Variants in MET observed in about 807,000 individuals in gnomAD.
MET encodes the protein hepatocyte growth factor receptor.
MET carries 48 observed loss-of-function variants against 133.1 expected under a neutral mutation model. That is an observed-to-expected ratio of 0.36 (90% CI 0.29 to 0.46). The LOEUF (loss-of-function observed/expected upper bound fraction) is 0.46, where lower values mean the gene tolerates loss of function less well. Among genes scored for constraint, MET ranks in the 20% least tolerant of loss-of-function variants. The pLI, the probability that MET is intolerant of heterozygous loss-of-function variation, is 1.00. For missense variants in MET, 1,442 were observed against 1,695.9 expected, an observed-to-expected ratio of 0.85 and a Z score of 2.63; for synonymous variants, 628 against 616.5, an observed-to-expected ratio of 1.02 and a Z score of -0.28.
rs745437003 is a variant in MET, at chr7:116,778,832, G to T, written c.3397G>T (p.Asp1133Tyr). Residue 1133 changes from aspartate to tyrosine, a missense_variant, in exon 17 of 21, where the codon GAT (aspartate) becomes TAT (tyrosine). Asp to Tyr is a radical substitution (Grantham distance 160). Coordinates refer to ENST00000397752, the MANE Select transcript of MET (RefSeq NM_000245.4). The stretch of plus-strand genomic sequence containing the variant: ...TCTGACCGAGGGAATCATCATGAAA[G>T]ATTTTAGTCATCCCAATGTCCTCTC... The part of the protein sequence containing the change: ...QFLTEGIIMK[D>Y]FSHPNVLSLL... 2 of 1,614,072 alleles carry T rather than the reference G, an allele frequency of 1.2e-6. No homozygotes were observed. Among genetic ancestry groups the T allele is most frequent in the Non-Finnish European group, 1.7e-6 (2 of 1,179,976 alleles).
In MET at chr7:116,755,431, A is replaced by G. The variant is rs1794141772; in HGVS notation, c.1778A>G (p.Asn593Ser). Residue 593 changes from asparagine to serine, a missense_variant, in exon 6 of 21, where the codon AAT becomes AGT. Asn to Ser is a conservative substitution (Grantham distance 46). Transcript: ENST00000397752. ...ICGWDFGFRR[N>S]NKFDLKKTRV... ...GGCTGGGACTTTGGATTTCGGAGGA[A>G]TAATAAATTTGATTTAAAGAAAACT... 1.9e-6 allele frequency: 3 copies of G among 1,614,144 alleles called. No homozygotes were observed. The highest frequency in any genetic ancestry group is 1.7e-6 in the Non-Finnish European group (2 of 1,180,004).
At chr7:116,746,319 T>G (rs1793682823) in intron 5 of MET, among the ~76,000 whole-genome samples, 1 of 152,234 alleles carries the variant, frequency 6.6e-6, no homozygotes. Flanking sequence ...GGAACACTTT[T>G]ACACTGTTGA....
intron 5 of MET, among the ~76,000 whole-genome samples, chr7:116,743,360 G>C (rs1793538709): frequency 6.6e-6 from 1 of 152,154 alleles, no homozygotes; most frequent in Non-Finnish European, 1.5e-5. Flanking sequence ...GTGGTGCCTG[G>C]AATGCCAGCA....
At chr7:116,733,778 C>T (rs556477349) in intron 3 of MET, among the ~76,000 whole-genome samples, 1 of 152,108 alleles carries the variant, frequency 6.6e-6, no homozygotes, top group South Asian at 2.1e-4. Flanking sequence ...CCTAACTTTG[C>T]TTTACTATAC....
intron 2 of MET, 122 bp downstream of exon 2, chr7:116,700,406 T>C (rs1256040061): frequency 4.4e-6 from 5 of 1,137,588 alleles, no homozygotes; most frequent in South Asian, 4.5e-5. Flanking sequence ...CCAAAATAGT[T>C]GCAGATTTTT....
chr7:116,679,626 G>A (rs773033518), intron 1 of MET, among the ~76,000 whole-genome samples: 4 of 152,156 alleles, frequency 2.6e-5, no homozygotes, highest in Non-Finnish European at 5.9e-5. Context: ...CTTAGAAAAC[G>A]TAATGCTATA....
chr7:116,754,893 G>GAGAAAGAAAGAAAGAAAGAA (rs542934651), intron 5 of MET, among the ~76,000 whole-genome samples: 35 of 97,520 alleles, frequency 3.6e-4, no homozygotes, highest in Admixed American at 7.4e-4. Flanking sequence ...GAGAGAAAGA[G>GAGAAAGAAAGAAAGAAAGAA]AGAAAGAAAG....
At position 116,795,988 on chromosome 7, in the gene MET, G is replaced by A. The variant is rs2117111902; in HGVS notation, c.4037G>A (p.Gly1346Glu). ...TCAGCGATCTTCTCTACTTTCATTG[G>A]GGAGCACTATGTCCATGTGAACGCT... ...RISAIFSTFI[G>E]EHYVHVNATY... Residue 1346 changes from glycine to glutamate, a missense_variant, in exon 21 of 21, where the codon GGG (glycine) becomes GAG (glutamate). Gly to Glu is a moderately conservative substitution (Grantham distance 98). This residue lies in a region of MET where 94 missense variants were observed against 109.5 expected (regional missense o/e 0.86). Coordinates refer to ENST00000397752, the MANE Select transcript of MET (RefSeq NM_000245.4). 6.2e-7 allele frequency: 1 copy of A among 1,614,016 alleles called. No individual in the cohort carries two copies. Among genetic ancestry groups the A allele is most frequent in the Non-Finnish European group, 8.5e-7 (1 of 1,179,950 alleles).
In MET at chr7:116,783,401, A is replaced by G. The variant is rs2117066727; in HGVS notation, c.3730A>G (p.Lys1244Glu). ...YYSVHNKTGAKLPVKWMALES... is the reference protein window; with the variant it reads ...YYSVHNKTGAELPVKWMALES... The stretch of plus-strand genomic sequence containing the variant: ...TAGTGTACACAACAAAACAGGTGCA[A>G]AGCTGCCAGTGAAGTGGATGGCTTT... The change falls in exon 19 of 21, where the codon AAG becomes GAG. Residue 1244 changes from lysine (K) to glutamate (E), a missense_variant. Around this residue, in one of 6 missense-constraint regions of MET, gnomAD observed 38 missense variants for 40.6 expected, o/e 0.94. Transcript: ENST00000397752. 1 of 1,614,172 alleles carries G rather than the reference A, an allele frequency of 6.2e-7. No individual in the cohort carries two copies. Among genetic ancestry groups the G allele is most frequent in the Non-Finnish European group, 8.5e-7 (1 of 1,180,022 alleles).
chr7:116,764,429 T>C (rs1307235391), intron 11 of MET, among the ~76,000 whole-genome samples: 1 of 152,100 alleles, frequency 6.6e-6, no homozygotes. Context: ...CCTTTTGCTT[T>C]CAACAATTAC....
chr7:116,705,498 T>A (rs1286383884), intron 2 of MET, among the ~76,000 whole-genome samples: 2 of 152,082 alleles, frequency 1.3e-5, no homozygotes, highest in African/African-American at 4.8e-5. Context: ...GATTATAGAG[T>A]TTTTTACTTA....
At chr7:116,700,431 G>A in intron 2 of MET, 147 bp downstream of exon 2, 1 of 829,500 alleles carries the variant, frequency 1.2e-6, no homozygotes, top group Non-Finnish European at 1.7e-6. Context: ...AGAAAATTGA[G>A]GAATTGAATC....
In MET at chr7:116,699,268, A is replaced by G; in HGVS notation, c.184A>G (p.Ile62Val). The change falls in exon 2 of 21, where the codon ATT (isoleucine) becomes GTT (valine). Residue 62 changes from isoleucine to valine, a missense_variant. Coordinates refer to ENST00000397752, the MANE Select transcript of MET (RefSeq NM_000245.4). Reference protein sequence around the residue: ...IQNVILHEHHIFLGATNYIYV... With the variant: ...IQNVILHEHHVFLGATNYIYV... ...GAATGTCATTCTACATGAGCATCAC[A>G]TTTTCCTTGGTGCCACTAACTACAT... is the stretch of plus-strand genomic sequence containing the variant. 6.2e-7 allele frequency: 1 copy of G among 1,613,948 alleles called. No homozygotes were observed. Among genetic ancestry groups the G allele is most frequent in the Non-Finnish European group, 8.5e-7 (1 of 1,179,920 alleles).
intron 2 of MET, among the ~76,000 whole-genome samples, chr7:116,722,459 T>C (rs1792532602): frequency 6.6e-6 from 1 of 151,430 alleles, no homozygotes; most frequent in Admixed American, 6.6e-5. Flanking sequence ...TGTGTTTTAA[T>C]TGGAGCATTT....
intron 16 of MET, among the ~76,000 whole-genome samples, 169 bp downstream of exon 16, chr7:116,777,638 T>G (rs1795035861): frequency 1.3e-5 from 2 of 152,222 alleles, no homozygotes; most frequent in South Asian, 4.1e-4. Context: ...TTTATTGAAC[T>G]ACTTCCCCTG....
At chr7:116,726,174 T>TACACACACACATGCATATAC (rs1584908066) in intron 2 of MET, among the ~76,000 whole-genome samples, 2 of 8,948 alleles carry the variant, frequency 2.2e-4, no homozygotes, top group Admixed American at 1.2e-3. Context: ...TATATATATA[T>TACACACACACATGCATATAC]ATATGGGATA....
In MET at chr7:116,771,724, G is replaced by A. The variant is rs6978257; in HGVS notation, c.2887+70G>A. 4.9e-3 allele frequency: 7,946 copies of A among 1,607,632 alleles called. 169 individuals are homozygous for A. The African/African-American group carries it at 0.06, about 12-fold the overall frequency. ...ACAGTCATTACAGTTTAAGATTGTC[G>A]TCGATTCTTGTGTGCTGTCTTATAT... is the stretch of plus-strand genomic sequence containing the variant. On this transcript the variant is annotated intron_variant, in intron 13 of 20. Coordinates refer to ENST00000397752, the MANE Select transcript of MET (RefSeq NM_000245.4).
Position 116,741,032 on chromosome 7 carries a change from A to T in MET, c.1701+7A>T, listed in dbSNP as rs749081367. On this transcript the variant is annotated splice_region_variant and intron_variant, in intron 5 of 20. Coordinates refer to ENST00000397752, the MANE Select transcript of MET (RefSeq NM_000245.4). ...TCTGCCTGCAATCTACAAGGTAGGA[A>T]TCTCTAACAGCTGGCATACATGTTT... The T allele has an allele frequency of 2.9e-5, 47 of 1,609,884 alleles. No homozygotes were observed. The Admixed American group carries it at 7.9e-4, about 27-fold the overall frequency.
Position 116,678,825 on chromosome 7 carries a change from C to G in MET, c.-15+6248C>G, listed in dbSNP as rs564849565. Among the ~76,000 whole-genome samples, 3 of 152,274 alleles carry G rather than the reference C, an allele frequency of 2.0e-5. No homozygotes were observed. In the East Asian group the frequency reaches 5.8e-4, roughly 29 times the overall value. On this transcript the variant is annotated intron_variant, in intron 1 of 20. Transcript: ENST00000397752. The stretch of plus-strand genomic sequence containing the variant: ...TCCATGTGTCTTTGATTCACTAAAT[C>G]TTAAATCATTACTCACAAACTGTAT...
Sources: gnomAD v4.1 joint callset for allele counts (sites outside exome capture counted in the v4.1 genomes callset) on GRCh38, gnomAD v4.1.1 for gene constraint, gnomAD v4.1.1 regional missense constraint, MANE v1.5 for transcripts, NCBI Gene and HGNC (gene_info 2026-07-23, HGNC 2026-07-21) for gene names.